ZPBP: variants seen among roughly 807,000 people sequenced by gnomAD.
ZPBP encodes the protein zona pellucida-binding protein 1.
ZPBP carries 26 observed loss-of-function variants against 44.8 expected under a neutral mutation model. That is an observed-to-expected ratio of 0.58 (90% confidence interval 0.43 to 0.81). The LOEUF is 0.81. Ranked by LOEUF, ZPBP falls within the 30% of genes least tolerant of loss-of-function variation. The pLI is 0.00. For missense variants in ZPBP, 409 were observed against 434.0 expected, an observed-to-expected ratio of 0.94 and a Z score of 0.51; for synonymous variants, 174 against 153.2, an observed-to-expected ratio of 1.14 and a Z score of -1.00.
At chr7:49,965,594 G>A (rs1336264951) in intron 7 of ZPBP, among the ~76,000 whole-genome samples, 1 of 152,004 alleles carries the variant, frequency 6.6e-6, no homozygotes, top group Non-Finnish European at 1.5e-5. Context: ...GGAAATGGTA[G>A]TTACATGAGT....
At chr7:49,967,913 C>A (rs1367293762) in intron 7 of ZPBP, among the ~76,000 whole-genome samples, 1 of 152,086 alleles carries the variant, frequency 6.6e-6, no homozygotes, top group Non-Finnish European at 1.5e-5. Context: ...GCCACAACCA[C>A]AAGGCAGGTT....
At chr7:49,851,873 A>G (rs960827027) in intron 2 of ZPBP, among the ~76,000 whole-genome samples, 34 of 151,146 alleles carry the variant, frequency 2.2e-4, no homozygotes, top group African/African-American at 7.3e-4. Flanking sequence ...AAAAAAGTCC[A>G]CTACAAAATG....
At chr7:49,969,860 G>GAA (rs534495710) in intron 7 of ZPBP, among the ~76,000 whole-genome samples, 57 of 150,814 alleles carry the variant, frequency 3.8e-4, no homozygotes, top group African/African-American at 1.4e-3. Flanking sequence ...GAAAGAGAGA[G>GAA]AGAGACAGAG....
intron 7 of ZPBP, among the ~76,000 whole-genome samples, chr7:49,957,352 T>G (rs1017428331): frequency 6.6e-6 from 1 of 152,132 alleles, no homozygotes; most frequent in Non-Finnish European, 1.5e-5. Flanking sequence ...AGAGTGTCAC[T>G]CCTCGCATCA....
intron 4 of ZPBP, among the ~76,000 whole-genome samples, chr7:50,053,676 C>T (rs1414934468): frequency 2.6e-5 from 4 of 152,150 alleles, no homozygotes; most frequent in Admixed American, 6.6e-5. Context: ...AATTTCTGCT[C>T]TGTAACATCT....
intron 4 of ZPBP, among the ~76,000 whole-genome samples, chr7:50,054,325 T>TA (rs1412026747): frequency 6.6e-6 from 1 of 152,100 alleles, no homozygotes; most frequent in Non-Finnish European, 1.5e-5. Context: ...AGAAATTACT[T>TA]AAAGCATGCA....
downstream of ZPBP, chr7:49,937,373 A>G: frequency 3.2e-6 from 2 of 617,134 alleles, no homozygotes; most frequent in East Asian, 2.9e-5. Flanking sequence ...GAGGATTTTC[A>G]TCCTCATAAA....
At chr7:49,850,794 A>G (rs1790144598) in intron 2 of ZPBP, among the ~76,000 whole-genome samples, 2 of 152,184 alleles carry the variant, frequency 1.3e-5, no homozygotes, top group South Asian at 2.1e-4. Flanking sequence ...GGGTACAGTG[A>G]GCTCCGTGTA....
At chr7:50,077,195 T>C (rs751393013) in intron 3 of ZPBP, among the ~76,000 whole-genome samples, 2 of 151,842 alleles carry the variant, frequency 1.3e-5, no homozygotes, top group African/African-American at 2.4e-5. Flanking sequence ...TGGATATCCA[T>C]ATGCAGAAGA....
chr7:50,030,502 A>T (rs562504953), intron 5 of ZPBP, among the ~76,000 whole-genome samples: 32 of 40,584 alleles, frequency 7.9e-4, no homozygotes, highest in East Asian at 1.8e-3. Context: ...ATAATAATTT[A>T]AAAAAAAACC....
At chr7:50,056,697 A>G (rs1800951901) in intron 4 of ZPBP, among the ~76,000 whole-genome samples, 1 of 152,186 alleles carries the variant, frequency 6.6e-6, no homozygotes, top group Non-Finnish European at 1.5e-5. Flanking sequence ...CATCTCGGAC[A>G]AACACCGCCA....
chr7:50,034,879 A>C (rs1281253688), intron 4 of ZPBP, among the ~76,000 whole-genome samples: 2 of 152,252 alleles, frequency 1.3e-5, no homozygotes, highest in African/African-American at 4.8e-5. Flanking sequence ...CTAAAACTAA[A>C]GCTGTAAAAG....
At position 50,005,823 on chromosome 7, in the gene ZPBP, ATGTGTGTG is replaced by A. The variant is rs71018444; in HGVS notation, c.783+12409_783+12416del. On this transcript the variant is annotated intron_variant, in intron 6 of 7. Coordinates refer to ENST00000046087, the MANE Select transcript of ZPBP (RefSeq NM_007009.3). The stretch of plus-strand genomic sequence containing the variant: ...AATGAGTTAAACTTCATAACTATAT[ATGTGTGTG>A]TGTGTGTGTGTGTGTGTGTGTGTGT... Among the ~76,000 whole-genome samples the A allele has an allele frequency of 8.8e-3, 1,278 of 144,804 alleles. 14 individuals carry two copies. The highest frequency in any genetic ancestry group is 0.025 in the African/African-American group (969 of 38,296). 95.0% of individuals were successfully genotyped at this position (144,804 alleles called of 152,430 possible). A position where few individuals can be genotyped will look rare whatever the true frequency, so the allele number is the denominator to read the frequency against.
At chr7:49,976,404 T>C (rs185253631) in intron 7 of ZPBP, among the ~76,000 whole-genome samples, 2 of 152,312 alleles carry the variant, frequency 1.3e-5, no homozygotes, top group Admixed American at 1.3e-4. Flanking sequence ...TCATGTATGA[T>C]GATATTTCCA....
chr7:50,016,538 C>G (rs557443753), intron 6 of ZPBP, among the ~76,000 whole-genome samples: 51 of 151,906 alleles, frequency 3.4e-4, no homozygotes, highest in African/African-American at 1.2e-3. Context: ...ACATGTACCC[C>G]CTGAATGTAA....
intron 7 of ZPBP, chr7:49,944,280 C>A: frequency 3.1e-6 from 1 of 321,100 alleles, no homozygotes; most frequent in Non-Finnish European, 6.0e-6. Context: ...ATGATCTTAC[C>A]ACAGCTGTTC....
At chr7:49,955,708 C>T (rs189307433) in intron 7 of ZPBP, among the ~76,000 whole-genome samples, 34 of 152,200 alleles carry the variant, frequency 2.2e-4, no homozygotes, top group African/African-American at 7.9e-4. Flanking sequence ...GAAAGGACTA[C>T]TACAATTGAT....
intron 1 of ZPBP, among the ~76,000 whole-genome samples, chr7:49,924,486 C>G (rs1794152876): frequency 6.6e-6 from 1 of 152,006 alleles, no homozygotes; most frequent in South Asian, 2.1e-4. Context: ...TATAACTCAA[C>G]AAGAAAAACT....
chr7:49,871,786 A>C (rs1380545538), intron 2 of ZPBP, among the ~76,000 whole-genome samples: 3 of 152,052 alleles, frequency 2.0e-5, no homozygotes, highest in Non-Finnish European at 4.4e-5. Context: ...AACAGCATGC[A>C]TTTTGTAATT....
Sources: gnomAD v4.1 joint callset for allele counts (sites outside exome capture counted in the v4.1 genomes callset) on GRCh38, gnomAD v4.1.1 for gene constraint, MANE v1.5 for transcripts, NCBI Gene and HGNC (gene_info 2026-07-23, HGNC 2026-07-21) for gene names.